KMT2C: variants seen among roughly 807,000 people sequenced by gnomAD.
The protein encoded by KMT2C is lysine methyltransferase 2C.
In KMT2C, 88 loss-of-function variants were observed where a neutral mutation model predicts 507.9. That is an observed-to-expected ratio of 0.17 (90% CI 0.15 to 0.21). The LOEUF (loss-of-function observed/expected upper bound fraction) is 0.21, where lower values mean the gene tolerates loss of function less well. Ranked by LOEUF, KMT2C falls within the 10% of genes least tolerant of loss-of-function variation. The pLI is 1.00. For synonymous variants in KMT2C, 2,049 were observed against 2,080.8 expected, an observed-to-expected ratio of 0.98 and a Z score of 0.42; for missense variants, 4,954 against 5,957.8, an observed-to-expected ratio of 0.83 and a Z score of 5.55.
At chr7:152,171,938 G>C (rs2092980234) in intron 39 of KMT2C, among the ~76,000 whole-genome samples, 1 of 152,214 alleles carries the variant, frequency 6.6e-6, no homozygotes, top group African/African-American at 2.4e-5. Context: ...AACGTGTTTA[G>C]AGAAATGTTA....
chr7:152,259,883 C>G (rs572649202), intron 9 of KMT2C, among the ~76,000 whole-genome samples: 1 of 152,268 alleles, frequency 6.6e-6, no homozygotes, highest in Non-Finnish European at 1.5e-5. Flanking sequence ...AATTATGACT[C>G]AAGACTACAG....
intron 16 of KMT2C, among the ~76,000 whole-genome samples, chr7:152,233,027 C>A (rs539394071): frequency 6.6e-6 from 1 of 152,024 alleles, no homozygotes; most frequent in African/African-American, 2.4e-5. Flanking sequence ...AAATGATAAA[C>A]AATATATTCC....
intron 18 of KMT2C, among the ~76,000 whole-genome samples, chr7:152,228,537 G>C (rs967991051): frequency 6.6e-6 from 1 of 152,128 alleles, no homozygotes; most frequent in African/African-American, 2.4e-5. Flanking sequence ...TTTAAAAACA[G>C]GAATTCAAAT....
chr7:152,426,230 G>GTT (rs10709636), intron 1 of KMT2C, among the ~76,000 whole-genome samples: 408 of 94,202 alleles, frequency 4.3e-3, no homozygotes, highest in Middle Eastern at 6.3e-3. Flanking sequence ...TTATGTCATA[G>GTT]TTTTTTTTTT....
At chr7:152,412,781 T>C (rs1210947867) in intron 1 of KMT2C, among the ~76,000 whole-genome samples, 3 of 152,234 alleles carry the variant, frequency 2.0e-5, no homozygotes, top group African/African-American at 7.2e-5. Context: ...GGGATGGTGC[T>C]GGTAAATAAG....
At chr7:152,139,084 G>C in intron 57 of KMT2C, 102 bp downstream of exon 57, 1 of 1,176,046 alleles carries the variant, frequency 8.5e-7, no homozygotes, top group Non-Finnish European at 1.3e-6. Flanking sequence ...TTTAGTCACC[G>C]CCAGGCTGCC....
intron 1 of KMT2C, among the ~76,000 whole-genome samples, chr7:152,364,509 T>TGAGGCAGGAGAATGGTGTG: frequency 6.6e-6 from 1 of 150,770 alleles, no homozygotes; most frequent in East Asian, 2.0e-4. Context: ...TTTGGGAGGC[T>TGAGGCAGGAGAATGGTGTG]GAGGCAGGAG....
intron 14 of KMT2C, among the ~76,000 whole-genome samples, chr7:152,246,950 T>C (rs1350334889): frequency 6.6e-6 from 1 of 152,130 alleles, no homozygotes; most frequent in Non-Finnish European, 1.5e-5. Context: ...CATTAAAAAA[T>C]GATTTTCTTA....
At chr7:152,431,192 CCA>C (rs1186275115) in intron 1 of KMT2C, among the ~76,000 whole-genome samples, 2 of 151,934 alleles carry the variant, frequency 1.3e-5, no homozygotes, top group Non-Finnish European at 2.9e-5. Flanking sequence ...ATATTAGTAA[CCA>C]ATATGTAAAT....
intron 9 of KMT2C, 140 bp downstream of exon 9, chr7:152,262,876 A>G (rs2095803227): frequency 8.1e-6 from 5 of 615,712 alleles, no homozygotes; most frequent in South Asian, 4.5e-5. Flanking sequence ...ACAGTTTATT[A>G]TATGTCAGTT....
chr7:152,374,771 C>T (rs1219745865), intron 1 of KMT2C, among the ~76,000 whole-genome samples: 1 of 151,682 alleles, frequency 6.6e-6, no homozygotes, highest in African/African-American at 2.4e-5. Flanking sequence ...TGGTGGCACA[C>T]TCCTGTAATC....
rs577044715 is a variant in KMT2C at position 152,368,416 on chromosome 7, G to A, written c.162-9741C>T. The A allele has an allele frequency of 9.6e-6, 11 of 1,140,068 alleles. No individual in the cohort carries two copies. In the South Asian group the frequency reaches 1.3e-4, roughly 14 times the overall value. The allele number at this position is 1,140,068 out of a possible 1,614,324, so 70.6% of individuals were successfully genotyped here. On this transcript the variant is annotated intron_variant, in intron 1 of 58. Coordinates refer to ENST00000262189, the MANE Select transcript of KMT2C (RefSeq NM_170606.3). ...AGCTAAAATGAAGAAGATAGAGATG[G>A]AGATGGAGCAGGTGTTAGAGATGAA...
In KMT2C at chr7:152,182,293, G is replaced by C. The variant is rs1451394399; in HGVS notation, c.5567C>G (p.Pro1856Arg). 1 of 1,614,190 alleles carries C rather than the reference G, an allele frequency of 6.2e-7. No individual in the cohort carries two copies. Among genetic ancestry groups the C allele is most frequent in the South Asian group, 1.1e-5 (1 of 91,078 alleles). Residue 1856 changes from proline to arginine, a missense_variant, in exon 36 of 59, where the codon CCT becomes CGT. By Grantham distance (103) the Pro-to-Arg change is moderately radical. Transcript: ENST00000262189. ...GATGGGAATCCGGGATGGGGCTGGA[G>C]GAGGAGGTGGAGCTTGTGGCTTTAC... ...VFVKPQAPPP[P>R]PAPSRIPIQD...
In KMT2C at chr7:152,135,680, T is replaced by TA; in HGVS notation, c.*1151dup. On this transcript the variant is annotated 3_prime_UTR_variant, in exon 59 of 59. Coordinates refer to ENST00000262189, the MANE Select transcript of KMT2C (RefSeq NM_170606.3). ...AAAAAATTCAGCCTCCATTTGGGTG[T>TA]ATTTTTAAGCAGTTATTCACAGTTA... 4.4e-6 allele frequency: 1 copy of TA among 227,484 alleles called. No individual in the cohort carries two copies. Among genetic ancestry groups the TA allele is most frequent in the Middle Eastern group, 1.3e-3 (1 of 758 alleles). The allele number at this position is 227,484 out of a possible 1,614,324, so 14.1% of individuals were successfully genotyped here.
At chr7:152,248,645 T>C (rs769544783) in intron 13 of KMT2C, 25 bp from the exon 14 acceptor site, 1 of 1,489,532 alleles carries the variant, frequency 6.7e-7, no homozygotes, top group Non-Finnish European at 9.2e-7. Flanking sequence ...ACATTTGTTA[T>C]GGCAATGTAC....
chr7:152,301,867 A>C (rs1026126384), intron 6 of KMT2C, among the ~76,000 whole-genome samples: 4 of 152,260 alleles, frequency 2.6e-5, no homozygotes, highest in Non-Finnish European at 4.4e-5. Context: ...CAGTAACTTA[A>C]AGGATCTTAC....
At chr7:152,217,226 T>TA (rs1367905292) in intron 23 of KMT2C, among the ~76,000 whole-genome samples, 5 of 152,166 alleles carry the variant, frequency 3.3e-5, no homozygotes, top group African/African-American at 9.7e-5. Flanking sequence ...AATAAGAACT[T>TA]ACGATGATTG....
At chr7:152,196,034 T>A (rs979449407) in intron 27 of KMT2C, 23 bp from the exon 28 acceptor site, 22 of 1,440,280 alleles carry the variant, frequency 1.5e-5, no homozygotes, top group Non-Finnish European at 2.0e-5. Context: ...AATATGTTTT[T>A]TAAAATTTCA....
Position 152,435,847 on chromosome 7 carries a change from C to T in KMT2C, c.-61G>A, listed in dbSNP as rs1243477246. ...TCCTCCTGGGGGGCTCCCGCCGCCG[C>T]GGCCGCCGCCGCCGCCGCTGCTGCT... On this transcript the variant is annotated 5_prime_UTR_variant, in exon 1 of 59. Transcript: ENST00000262189. The T allele has an allele frequency of 9.1e-6, 11 of 1,210,340 alleles. No individual in the cohort carries two copies. Among genetic ancestry groups the T allele is most frequent in the Non-Finnish European group, 1.1e-5 (10 of 952,132 alleles). The allele number at this position is 1,210,340 out of a possible 1,614,324, so 75.0% of individuals were successfully genotyped here.
Sources: allele counts gnomAD v4.1 joint callset (sites outside exome capture counted in the v4.1 genomes callset), GRCh38; gene constraint gnomAD v4.1.1; transcripts MANE v1.5; gene names NCBI Gene and HGNC (gene_info 2026-07-23, HGNC 2026-07-21).